Variants in DNAH8 observed in about 807,000 individuals in gnomAD.
The protein encoded by DNAH8 is dynein axonemal heavy chain 8.
A neutral mutation model predicts 562.1 loss-of-function variants in DNAH8; 382 were observed. That is an observed-to-expected ratio of 0.68 (90% confidence interval 0.63 to 0.74). The LOEUF (loss-of-function observed/expected upper bound fraction) is 0.74. DNAH8 is among the 30% of genes least tolerant of loss of function. The pLI, the probability that DNAH8 is intolerant of heterozygous loss-of-function variation, is 0.00. For synonymous variants in DNAH8, 1,881 were observed against 1,919.4 expected (o/e 0.98, Z 0.52); for missense variants, 5,203 against 5,620.4 (o/e 0.93, Z 2.37).
chr6:38,854,546 A>G (rs1298308256), intron 41 of DNAH8, among the ~76,000 whole-genome samples: 1 of 152,222 alleles, frequency 6.6e-6, no homozygotes, highest in Non-Finnish European at 1.5e-5. Context: ...TGATTTTTAT[A>G]TTATATAATA....
At chr6:38,897,830 A>G (rs1561834303) in intron 60 of DNAH8, among the ~76,000 whole-genome samples, 1 of 152,186 alleles carries the variant, frequency 6.6e-6, no homozygotes, top group Admixed American at 6.5e-5. Flanking sequence ...TTAGATGGGG[A>G]GGAACAATTT....
At chr6:38,736,998 C>T (rs1764145756) in intron 5 of DNAH8, 69 bp from the exon 6 acceptor site, 1 of 1,123,166 alleles carries the variant, frequency 8.9e-7, no homozygotes, top group Non-Finnish European at 1.2e-6. Flanking sequence ...CAATATAAAA[C>T]AGGTTATGAT....
At chr6:38,793,918 G>T (rs1394305037) in intron 21 of DNAH8, among the ~76,000 whole-genome samples, 3 of 152,054 alleles carry the variant, frequency 2.0e-5, no homozygotes, top group Admixed American at 6.6e-5. Flanking sequence ...TACAGTTTTG[G>T]ATTGGGAGCT....
chr6:38,939,574 T>G (rs1783266048), intron 79 of DNAH8, among the ~76,000 whole-genome samples: 1 of 152,172 alleles, frequency 6.6e-6, no homozygotes, highest in Non-Finnish European at 1.5e-5. Flanking sequence ...AAAGATAATT[T>G]AAAAATAACT....
intron 88 of DNAH8, among the ~76,000 whole-genome samples, chr6:39,000,872 AT>A (rs1475841466): frequency 6.6e-6 from 1 of 152,156 alleles, no homozygotes; most frequent in African/African-American, 2.4e-5. Context: ...GTCTTAAAGG[AT>A]GTGCAGGAGT....
At chr6:39,006,660 C>T (rs1171577509) in intron 88 of DNAH8, among the ~76,000 whole-genome samples, 1 of 152,070 alleles carries the variant, frequency 6.6e-6, no homozygotes. Flanking sequence ...CTAGGACTTC[C>T]TAGGACCACC....
chr6:38,886,133 T>C (rs1449449053), intron 56 of DNAH8, among the ~76,000 whole-genome samples: 1 of 152,132 alleles, frequency 6.6e-6, no homozygotes, highest in Non-Finnish European at 1.5e-5. Context: ...AGGGTTGAGA[T>C]AGCATTTCCT....
At chr6:38,748,648 C>G (rs34143805) in intron 8 of DNAH8, among the ~76,000 whole-genome samples, 38,552 of 151,122 alleles carry the variant, frequency 0.26, 5,843 homozygotes, top group Middle Eastern at 0.35. Flanking sequence ...CAGCACTTTG[C>G]GAGGCTGAGG....
At chr6:38,882,056 A>C (rs1778538081) in intron 53 of DNAH8, among the ~76,000 whole-genome samples, 1 of 152,228 alleles carries the variant, frequency 6.6e-6, no homozygotes, top group South Asian at 2.1e-4. Flanking sequence ...TTTACAAAAA[A>C]TAACAGATGC....
chr6:38,799,334 C>A (rs77486812), intron 21 of DNAH8, among the ~76,000 whole-genome samples: 2 of 152,050 alleles, frequency 1.3e-5, no homozygotes, highest in Non-Finnish European at 2.9e-5. Flanking sequence ...CCTGTCTTCT[C>A]GGTGACCTTG....
chr6:38,794,957 T>C (rs1179438877), intron 21 of DNAH8, among the ~76,000 whole-genome samples: 3 of 152,236 alleles, frequency 2.0e-5, no homozygotes, highest in Non-Finnish European at 2.9e-5. Flanking sequence ...TATTTAGCTT[T>C]AATAGAAATT....
At chr6:38,997,272 A>C (rs1241068797) in intron 88 of DNAH8, among the ~76,000 whole-genome samples, 1 of 152,098 alleles carries the variant, frequency 6.6e-6, no homozygotes, top group Non-Finnish European at 1.5e-5. Flanking sequence ...TGCCTTCTTC[A>C]AGGACTTCTC....
In DNAH8 at chr6:38,975,353, C is replaced by T. The variant is rs763649469; in HGVS notation, c.12834+824C>T. Among the ~76,000 whole-genome samples, 25 of 151,984 alleles carry T rather than the reference C, an allele frequency of 1.6e-4. 1 individual carries two copies. Among genetic ancestry groups the T allele is most frequent in the Non-Finnish European group, 2.5e-4 (17 of 68,040 alleles). On this transcript the variant is annotated intron_variant, in intron 85 of 92. Coordinates refer to ENST00000327475, the MANE Select transcript of DNAH8 (RefSeq NM_001206927.2). ...ATTGAAGAGATTCCTTTAAGCCCTA[C>T]CTGGAGTTCTTTCTTTCCTGGGGTT...
chr6:38,859,190 C>T (rs1012438575), intron 42 of DNAH8, among the ~76,000 whole-genome samples: 5 of 152,172 alleles, frequency 3.3e-5, no homozygotes, highest in East Asian at 1.9e-4. Context: ...TTCTCCACCT[C>T]CTCCTTACCA....
intron 48 of DNAH8, 102 bp from the exon 49 acceptor site, chr6:38,870,299 G>A (rs1777368239): frequency 1.0e-5 from 10 of 990,762 alleles, no homozygotes; most frequent in Admixed American, 2.2e-5. Context: ...AGTAATAAAT[G>A]GTTCTCTGGG....
chr6:38,948,926 G>C (rs1394753890), intron 80 of DNAH8, among the ~76,000 whole-genome samples: 2 of 152,138 alleles, frequency 1.3e-5, no homozygotes, highest in Non-Finnish European at 2.9e-5. Context: ...TTATTTTTAA[G>C]TAGAGATCAA....
intron 22 of DNAH8, 37 bp downstream of exon 22, chr6:38,803,348 C>T (rs746494911): frequency 6.4e-7 from 1 of 1,553,336 alleles, no homozygotes; most frequent in Non-Finnish European, 8.8e-7. Flanking sequence ...ATTACAAGAT[C>T]TACAGATTCG....
chr6:38,929,396 C>G, intron 74 of DNAH8, 115 bp from the exon 75 acceptor site: 1 of 1,056,132 alleles, frequency 9.5e-7, no homozygotes, highest in Non-Finnish European at 1.3e-6. Context: ...TTAAGTAAGT[C>G]TTCTTCTATT....
chr6:38,823,797 A>T (rs1562909997), intron 28 of DNAH8, 109 bp downstream of exon 28: 1 of 521,932 alleles, frequency 1.9e-6, no homozygotes, highest in Non-Finnish European at 3.3e-6. Flanking sequence ...TTATACCAAG[A>T]TATAATAATA....
Sources: gnomAD v4.1 joint callset for allele counts (sites outside exome capture counted in the v4.1 genomes callset) on GRCh38, gnomAD v4.1.1 for gene constraint, MANE v1.5 for transcripts, NCBI Gene and HGNC (gene_info 2026-07-23, HGNC 2026-07-21) for gene names.